Variants in DMD observed in about 807,000 individuals in gnomAD.
The protein encoded by DMD is dystrophin, also known as mutant dystrophin.
In DMD, 63 loss-of-function variants were observed where a neutral mutation model predicts 330.1. The ratio of observed to expected loss-of-function variants is 0.19; its 90% CI spans 0.16 to 0.24. The LOEUF is 0.24. Among genes scored for constraint, DMD ranks in the 10% least tolerant of loss-of-function variants. The pLI is 1.00. For synonymous variants in DMD, 1,223 were observed against 959.8 expected, an observed-to-expected ratio of 1.27 and a Z score of -5.07; for missense variants, 3,344 against 2,684.1, an observed-to-expected ratio of 1.25 and a Z score of -5.43.
At position 31,841,437 on chromosome X, in the gene DMD, C is replaced by T. The variant is rs1056651896; in HGVS notation, c.7099-4618G>A. On this transcript the variant is annotated intron_variant, in intron 48 of 78. Coordinates refer to ENST00000357033, the MANE Select transcript of DMD (RefSeq NM_004006.3). ...ACTATCCAGAAGATCAAGCTAATAT[C>T]TAAGATGATGAAGGTAGCTACACTA... Among the ~76,000 whole-genome samples the T allele has an allele frequency of 3.6e-5, 4 of 111,997 alleles. No homozygotes were observed. The Admixed American group carries it at 3.8e-4, about 11-fold the overall frequency.
chrX:31,883,744 T>C (rs1348172008), intron 47 of DMD, among the ~76,000 whole-genome samples: 1 of 111,802 alleles, frequency 8.9e-6, no homozygotes, highest in Non-Finnish European at 1.9e-5. Flanking sequence ...TGAAAAATAT[T>C]AATGACATAT....
intron 1 of DMD, among the ~76,000 whole-genome samples, chrX:33,231,785 A>G (rs144367145): frequency 0.044 from 4,930 of 111,567 alleles, 246 homozygotes; most frequent in African/African-American, 0.15. Context: ...GGATAGTTAG[A>G]GATATAAGCT....
intron 43 of DMD, among the ~76,000 whole-genome samples, chrX:32,223,582 A>G (rs2097138402): frequency 8.9e-6 from 1 of 111,820 alleles, no homozygotes; most frequent in South Asian, 3.7e-4. Context: ...TTGGTGGGCT[A>G]TAGGTTATGC....
intron 61 of DMD, among the ~76,000 whole-genome samples, chrX:31,327,817 C>T (rs201053965): frequency 8.9e-6 from 1 of 112,414 alleles, no homozygotes; most frequent in East Asian, 2.8e-4. Flanking sequence ...TTATTTCACT[C>T]AGCATAATGC....
At chrX:31,487,716 G>A (rs1364151444) in intron 57 of DMD, among the ~76,000 whole-genome samples, 1 of 111,273 alleles carries the variant, frequency 9.0e-6, no homozygotes, top group Non-Finnish European at 1.9e-5. Flanking sequence ...AAAAAGCTCC[G>A]CCTTATTTTC....
chrX:32,640,186 G>A (rs2059360663), intron 11 of DMD, among the ~76,000 whole-genome samples: 1 of 108,810 alleles, frequency 9.2e-6, no homozygotes, highest in South Asian at 4.0e-4. Context: ...ATAGTTAACT[G>A]ACAGCTCATC....
intron 55 of DMD, among the ~76,000 whole-genome samples, chrX:31,582,427 C>T (rs767608683): frequency 1.9e-4 from 21 of 111,182 alleles, no homozygotes; most frequent in East Asian, 1.7e-3. Flanking sequence ...CATGCTACAC[C>T]AAGGAGGTGG....
chrX:32,123,202 C>CAT (rs59017074), intron 44 of DMD, among the ~76,000 whole-genome samples: 1,823 of 32,427 alleles, frequency 0.056, 86 homozygotes, highest in East Asian at 0.11. Flanking sequence ...TGTGAGCATG[C>CAT]ATATATATAT....
At chrX:32,669,600 G>A (rs2061511895) in intron 9 of DMD, among the ~76,000 whole-genome samples, 1 of 111,602 alleles carries the variant, frequency 9.0e-6, no homozygotes, top group African/African-American at 3.3e-5. Context: ...CCCCTGCAAT[G>A]CGATTCTATC....
At chrX:32,316,047 T>C (rs2097581561) in intron 41 of DMD, among the ~76,000 whole-genome samples, 1 of 111,559 alleles carries the variant, frequency 9.0e-6, no homozygotes, top group Admixed American at 9.6e-5. Flanking sequence ...ATATTAGCCA[T>C]TGAACTGCAG....
chrX:33,039,670 T>C (rs1001022421), intron 1 of DMD, among the ~76,000 whole-genome samples: 1 of 111,334 alleles, frequency 9.0e-6, no homozygotes, highest in Non-Finnish European at 1.9e-5. Context: ...ACGGCCTTTC[T>C]CTAATAAAAA....
chrX:32,243,658 C>T (rs2097218017), intron 43 of DMD, among the ~76,000 whole-genome samples: 1 of 111,498 alleles, frequency 9.0e-6, no homozygotes. Context: ...GCATCTAGTA[C>T]ATTTGTGAAC....
rs1213572720 is a variant in DMD at position 32,448,254 on chromosome X, T to A, written c.3786+202A>T. On this transcript the variant is annotated intron_variant, in intron 27 of 78. Coordinates refer to ENST00000357033, the MANE Select transcript of DMD (RefSeq NM_004006.3). ...TTAATTTTCTCAACAACTTATGAATTATGTATTATGTCTAGTTGACAGATT... is the reference window on the plus strand; with the variant it reads ...TTAATTTTCTCAACAACTTATGAATAATGTATTATGTCTAGTTGACAGATT... Among the ~76,000 whole-genome samples the A allele has an allele frequency of 2.7e-5, 3 of 110,999 alleles. No homozygotes were observed. The East Asian group carries it at 8.5e-4, about 31-fold the overall frequency.
intron 13 of DMD, among the ~76,000 whole-genome samples, chrX:32,581,515 A>G (rs808566): frequency 0.55 from 60,465 of 110,851 alleles, 13,746 homozygotes; most frequent in African/African-American, 0.89. Flanking sequence ...AACTTTATCT[A>G]AATACATCTG....
At chrX:32,483,947 T>C (rs2042178163) in intron 21 of DMD, among the ~76,000 whole-genome samples, 1 of 109,791 alleles carries the variant, frequency 9.1e-6, no homozygotes, top group Non-Finnish European at 1.9e-5. Context: ...CTGGAAATGA[T>C]ATTATATGGT....
chrX:31,340,931 T>C (rs1248345141), intron 61 of DMD, among the ~76,000 whole-genome samples: 2 of 112,355 alleles, frequency 1.8e-5, no homozygotes, highest in Non-Finnish European at 3.8e-5. Flanking sequence ...TCTTTTTGAT[T>C]ATTTATCACT....
chrX:31,728,634 A>G (rs1190301142), intron 52 of DMD, among the ~76,000 whole-genome samples: 1 of 112,131 alleles, frequency 8.9e-6, no homozygotes, highest in Non-Finnish European at 1.9e-5. Flanking sequence ...ATAGCAGAAT[A>G]TAAATTATGA....
chrX:33,107,861 TA>T (rs1309520208), intron 1 of DMD, among the ~76,000 whole-genome samples: 45 of 111,798 alleles, frequency 4.0e-4, no homozygotes, highest in African/African-American at 1.5e-3. Context: ...TAGTACTGTA[TA>T]TTTTTTTATC....
upstream of DMD, chrX:33,211,638 C>A: frequency 7.1e-6 from 6 of 839,906 alleles, no homozygotes; most frequent in Non-Finnish European, 9.1e-6. Flanking sequence ...AGTTGGTTTC[C>A]CATAATAGGA....
Sources: allele counts gnomAD v4.1 joint callset (sites outside exome capture counted in the v4.1 genomes callset), GRCh38; gene constraint gnomAD v4.1.1; transcripts MANE v1.5; gene names NCBI Gene and HGNC (gene_info 2026-07-23, HGNC 2026-07-21).